CNTNAP5: variants seen among roughly 807,000 people sequenced by gnomAD.
The protein encoded by CNTNAP5 is contactin-associated protein-like 5.
A neutral mutation model predicts 150.2 loss-of-function variants in CNTNAP5; 72 were observed. That is an observed-to-expected ratio of 0.48 (90% CI 0.40 to 0.58). The LOEUF (loss-of-function observed/expected upper bound fraction) is 0.58, where lower values mean the gene tolerates loss of function less well. Ranked by LOEUF, CNTNAP5 falls within the 20% of genes least tolerant of loss-of-function variation. CNTNAP5 has a pLI of 0.00. For missense variants in CNTNAP5, 1,636 were observed against 1,626.2 expected (o/e 1.01, Z -0.10); for synonymous variants, 672 against 619.8 (o/e 1.08, Z -1.25).
intron 21 of CNTNAP5, among the ~76,000 whole-genome samples, chr2:124,872,185 G>A (rs562642497): frequency 6.6e-6 from 1 of 151,858 alleles, no homozygotes; most frequent in Admixed American, 6.6e-5. Context: ...TTTGAAGCAT[G>A]GCTATTAATA....
chr2:124,078,213 T>A (rs17212475), intron 1 of CNTNAP5, among the ~76,000 whole-genome samples: 11,787 of 152,276 alleles, frequency 0.077, 600 homozygotes, highest in Non-Finnish European at 0.12. Context: ...ATAATATGTT[T>A]ACAACTAGAA....
intron 13 of CNTNAP5, among the ~76,000 whole-genome samples, chr2:124,728,599 C>A (rs1042056019): frequency 1.3e-5 from 2 of 151,828 alleles, no homozygotes; most frequent in Admixed American, 6.6e-5. Context: ...AATACATATG[C>A]ATTATTTTAA....
intron 3 of CNTNAP5, among the ~76,000 whole-genome samples, chr2:124,263,804 C>T (rs1256361426): frequency 6.6e-6 from 1 of 152,126 alleles, no homozygotes; most frequent in Non-Finnish European, 1.5e-5. Flanking sequence ...AGTCTTTAAT[C>T]CATCTTGAAT....
chr2:124,436,513 G>T (rs1441468589), intron 5 of CNTNAP5, among the ~76,000 whole-genome samples: 1 of 152,158 alleles, frequency 6.6e-6, no homozygotes, highest in African/African-American at 2.4e-5. Context: ...TGAAAACCAA[G>T]AGCACTGTAA....
chr2:124,142,552 C>T (rs1472362249), intron 1 of CNTNAP5, among the ~76,000 whole-genome samples: 16 of 137,212 alleles, frequency 1.2e-4, no homozygotes, highest in Admixed American at 2.3e-4. Context: ...GGATACATAA[C>T]GAAATGAAGG....
At chr2:124,710,528 A>G (rs1238310178) in intron 13 of CNTNAP5, among the ~76,000 whole-genome samples, 1 of 152,146 alleles carries the variant, frequency 6.6e-6, no homozygotes, top group African/African-American at 2.4e-5. Flanking sequence ...ATTGTCGGTG[A>G]ACCCATCAGT....
chr2:124,772,153 C>T (rs1681214536), intron 16 of CNTNAP5, among the ~76,000 whole-genome samples: 1 of 152,124 alleles, frequency 6.6e-6, no homozygotes, highest in Admixed American at 6.6e-5. Flanking sequence ...GTCATTTCAC[C>T]ATCATCAGTA....
At chr2:124,373,545 A>T (rs75755216) in intron 3 of CNTNAP5, among the ~76,000 whole-genome samples, 1 of 151,938 alleles carries the variant, frequency 6.6e-6, no homozygotes, top group Admixed American at 6.6e-5. Context: ...CAGTTTTATT[A>T]AAAAAAAGAC....
intron 13 of CNTNAP5, among the ~76,000 whole-genome samples, chr2:124,742,007 A>T (rs898998384): frequency 3.9e-5 from 6 of 152,308 alleles, no homozygotes; most frequent in South Asian, 2.1e-4. Context: ...AAAAATAGAA[A>T]CCTGCAGCTG....
chr2:124,189,481 A>T (rs1273024523), intron 1 of CNTNAP5, among the ~76,000 whole-genome samples: 2 of 152,184 alleles, frequency 1.3e-5, no homozygotes, highest in East Asian at 3.9e-4. Context: ...TCTGAGCCTC[A>T]GTTGCCGCAA....
chr2:124,592,663 T>C (rs960964613), intron 11 of CNTNAP5, among the ~76,000 whole-genome samples: 1 of 152,076 alleles, frequency 6.6e-6, no homozygotes, highest in South Asian at 2.1e-4. Context: ...CTTTCCCCTA[T>C]AATATAACTA....
chr2:124,273,582 G>C (rs1687810280), intron 3 of CNTNAP5, among the ~76,000 whole-genome samples: 1 of 152,096 alleles, frequency 6.6e-6, no homozygotes, highest in Non-Finnish European at 1.5e-5. Context: ...TGTGCTTTCA[G>C]GATGGATGCC....
chr2:124,510,502 T>C (rs184140267), intron 8 of CNTNAP5, among the ~76,000 whole-genome samples: 7 of 63,818 alleles, frequency 1.1e-4, no homozygotes, highest in South Asian at 7.7e-4. Context: ...TATATATATA[T>C]ATATATATAT....
chr2:124,491,399 GTA>G (rs1169963400), intron 7 of CNTNAP5, among the ~76,000 whole-genome samples: 11 of 151,114 alleles, frequency 7.3e-5, no homozygotes, highest in African/African-American at 2.4e-4. Flanking sequence ...ATGTATGTGT[GTA>G]TATATATATT....
rs1250340580 is a variant in CNTNAP5 at position 124,680,842 on chromosome 2, G to A, written c.2077+32884G>A. 2.0e-5 allele frequency: 3 copies of A among 151,728 alleles called. 1 individual carries two copies. In the Admixed American group the frequency reaches 2.0e-4, roughly 10 times the overall value. The allele number at this position is 151,728 out of a possible 1,614,324, so 9.4% of individuals were successfully genotyped here. A position where few individuals can be genotyped will look rare whatever the true frequency, so the allele number is the denominator to read the frequency against. On this transcript the variant is annotated intron_variant, in intron 13 of 23. Coordinates refer to ENST00000682447, the MANE Select transcript of CNTNAP5 (RefSeq NM_001367498.1). Reference sequence around the variant, plus strand: ...CATAATTTGGGTATGAACCTTTTTTGTGGGGGTTGGCTAACGTAGTAATAG... The same window carrying A: ...CATAATTTGGGTATGAACCTTTTTTATGGGGGTTGGCTAACGTAGTAATAG...
At chr2:124,045,422 C>A (rs1264492204) in intron 1 of CNTNAP5, among the ~76,000 whole-genome samples, 6 of 151,862 alleles carry the variant, frequency 4.0e-5, no homozygotes, top group African/African-American at 1.4e-4. Context: ...CTCAGCCTCC[C>A]AAGTAGCTGG....
chr2:124,748,552 T>C (rs1288650791), intron 14 of CNTNAP5, among the ~76,000 whole-genome samples: 1 of 152,226 alleles, frequency 6.6e-6, no homozygotes, highest in African/African-American at 2.4e-5. Flanking sequence ...CTTCATCAAA[T>C]GCTACTTAAT....
chr2:124,504,202 T>G, intron 7 of CNTNAP5, 90 bp from the exon 8 acceptor site: 1 of 1,302,242 alleles, frequency 7.7e-7, no homozygotes, highest in Non-Finnish European at 1.1e-6. Context: ...ATCCTGAAAT[T>G]AAGGTCAGCT....
At chr2:124,184,368 G>C (rs561468288) in intron 1 of CNTNAP5, among the ~76,000 whole-genome samples, 45 of 152,320 alleles carry the variant, frequency 3.0e-4, no homozygotes, top group African/African-American at 1.0e-3. Flanking sequence ...TGGTGAAGCA[G>C]CACGCTGGTG....
Sources: allele counts gnomAD v4.1 joint callset (sites outside exome capture counted in the v4.1 genomes callset), GRCh38; gene constraint gnomAD v4.1.1; transcripts MANE v1.5; gene names NCBI Gene and HGNC (gene_info 2026-07-23, HGNC 2026-07-21).